KIT: variants seen among roughly 807,000 people sequenced by gnomAD.
The protein encoded by KIT is mast/stem cell growth factor receptor Kit.
Under a neutral mutation model 105.7 loss-of-function variants are expected in KIT, and 16 were observed. The observed-to-expected ratio is 0.15, with a 90% confidence interval of 0.10 to 0.23. KIT has a LOEUF of 0.23. Ranked by LOEUF, KIT falls within the 10% of genes least tolerant of loss-of-function variation. The probability of loss-of-function intolerance (pLI) is 1.00; values close to 1 mark genes in which losing one functional copy is unlikely to be tolerated. For missense variants in KIT, 858 were observed against 1,213.8 expected, an observed-to-expected ratio of 0.71 and a Z score of 4.36; for synonymous variants, 438 against 441.1, an observed-to-expected ratio of 0.99 and a Z score of 0.09.
At chr4:54,706,078 T>A (rs2109701415) in intron 5 of KIT, among the ~76,000 whole-genome samples, 1 of 152,290 alleles carries the variant, frequency 6.6e-6, no homozygotes, top group Admixed American at 6.5e-5. Context: ...CCATTATTTA[T>A]TTAACCGGTT....
At position 54,740,050 on chromosome 4, in the gene KIT, C is replaced by G. The variant is rs1439419108; in HGVS notation, c.*1493C>G. ...ACAAAACAAAACAAAACAAAAAACT[C>G]CCCTTCCTCACTGCCCAATATAAAA... On this transcript the variant is annotated 3_prime_UTR_variant, in exon 21 of 21. Coordinates refer to ENST00000288135, the MANE Select transcript of KIT (RefSeq NM_000222.3). 4.3e-6 allele frequency: 1 copy of G among 233,538 alleles called. No homozygotes were observed. The highest frequency in any genetic ancestry group is 2.2e-5 in the African/African-American group (1 of 45,330). 14.5% of individuals were successfully genotyped at this position (233,538 alleles called of 1,614,324 possible).
chr4:54,715,523 A>C (rs1264551780), intron 7 of KIT, among the ~76,000 whole-genome samples: 1 of 152,126 alleles, frequency 6.6e-6, no homozygotes, highest in Non-Finnish European at 1.5e-5. Flanking sequence ...AACAGGCATC[A>C]CATGGCAAGA....
intron 1 of KIT, among the ~76,000 whole-genome samples, chr4:54,679,251 C>T (rs1038298764): frequency 2.0e-5 from 3 of 152,178 alleles, no homozygotes; most frequent in African/African-American, 4.8e-5. Flanking sequence ...TGAAAAGGGG[C>T]TCCCTGAATG....
intron 1 of KIT, among the ~76,000 whole-genome samples, chr4:54,672,736 G>A (rs1464934462): frequency 6.6e-6 from 1 of 152,120 alleles, no homozygotes; most frequent in Non-Finnish European, 1.5e-5. Flanking sequence ...CCATCATTTA[G>A]TCTTAGCTCT....
intron 20 of KIT, 40 bp from the exon 21 acceptor site, chr4:54,738,389 G>A (rs769360466): frequency 1.9e-6 from 3 of 1,612,362 alleles, no homozygotes; most frequent in Non-Finnish European, 2.5e-6. Flanking sequence ...TATGTTCGTT[G>A]TAGGGACTGC....
intron 7 of KIT, among the ~76,000 whole-genome samples, chr4:54,716,469 A>G (rs757186808): frequency 1.3e-5 from 2 of 152,214 alleles, no homozygotes; most frequent in Non-Finnish European, 2.9e-5. Flanking sequence ...TACTTTTTAT[A>G]GGTTACCATT....
chr4:54,703,807 G>T lies in KIT; in HGVS notation c.840G>T (p.Ala280=), dbSNP rs142772432. ...AGGCAACGTTGACTATCAGTTCAGC[G>T]AGAGTTAATGATTCTGGAGTGTTCA... ...ERQATLTISS[A]RVNDSGVFMC... is the part of the protein sequence containing the mutation. The change falls in exon 5 of 21, where the codon GCG becomes GCT. Residue 280 remains alanine (A), a synonymous_variant. Transcript: ENST00000288135. 6.2e-7 allele frequency: 1 copy of T among 1,613,638 alleles called. No individual in the cohort carries two copies. Among genetic ancestry groups the T allele is most frequent in the Non-Finnish European group, 8.5e-7 (1 of 1,179,600 alleles).
At chr4:54,700,409 A>G (rs1196023285) in intron 4 of KIT, among the ~76,000 whole-genome samples, 1 of 152,236 alleles carries the variant, frequency 6.6e-6, no homozygotes, top group East Asian at 1.9e-4. Flanking sequence ...TGCATATTCA[A>G]TGCCATTATA....
Position 54,728,003 on chromosome 4 carries a change from A to G in KIT, c.1880-8A>G, listed in dbSNP as rs1577996134. ...GCTTTTTGCTAAAATGCATGTTTCC[A>G]ATTTTAGCGAGTGCCCATTTGACAG... On this transcript the variant is annotated splice_region_variant and splice_polypyrimidine_tract_variant and intron_variant, in intron 12 of 20. Transcript: ENST00000288135. 3 of 1,613,578 alleles carry G rather than the reference A, an allele frequency of 1.9e-6. No homozygotes were observed. Among genetic ancestry groups the G allele is most frequent in the East Asian group, 4.5e-5 (2 of 44,862 alleles).
At position 54,699,124 on chromosome 4, in the gene KIT, G is replaced by A. The variant is rs141621985; in HGVS notation, c.620-506G>A. Among the ~76,000 whole-genome samples, 10 of 152,322 alleles carry A rather than the reference G, an allele frequency of 6.6e-5. No homozygotes were observed. The East Asian group carries it at 1.9e-3, about 29-fold the overall frequency. ...TCAGAGATCATCTAATTCAACACCAGTTGGCATTCAGCTATTGAGTACAGT... is the reference window on the plus strand; with the variant it reads ...TCAGAGATCATCTAATTCAACACCAATTGGCATTCAGCTATTGAGTACAGT... On this transcript the variant is annotated intron_variant, in intron 3 of 20. Transcript: ENST00000288135.
intron 1 of KIT, among the ~76,000 whole-genome samples, chr4:54,663,431 C>T (rs1318525567): frequency 6.6e-6 from 1 of 152,112 alleles, no homozygotes; most frequent in Non-Finnish European, 1.5e-5. Flanking sequence ...AGTGTGTGGA[C>T]TCCACTATCA....
intron 1 of KIT, among the ~76,000 whole-genome samples, chr4:54,668,941 C>T (rs927741964): frequency 1.3e-5 from 2 of 152,208 alleles, no homozygotes; most frequent in African/African-American, 4.8e-5. Context: ...AAAGAAGGTA[C>T]CTTAGAAAGA....
intron 1 of KIT, among the ~76,000 whole-genome samples, chr4:54,660,181 TA>T (rs1717150711): frequency 6.6e-6 from 1 of 152,094 alleles, no homozygotes; most frequent in African/African-American, 2.4e-5. Context: ...AGTCATAGAG[TA>T]TGGGTGCATC....
intron 4 of KIT, among the ~76,000 whole-genome samples, chr4:54,703,523 G>A (rs1423640867): frequency 1.3e-5 from 2 of 152,126 alleles, no homozygotes; most frequent in African/African-American, 4.8e-5. Flanking sequence ...AATAATGACT[G>A]TCTTTCAACA....
intron 1 of KIT, among the ~76,000 whole-genome samples, chr4:54,661,528 G>A (rs1717267890): frequency 6.6e-6 from 1 of 152,208 alleles, no homozygotes; most frequent in Non-Finnish European, 1.5e-5. Flanking sequence ...CCCCTTCAAG[G>A]TAGTGGTCAA....
chr4:54,659,145 C>T (rs1045081231), intron 1 of KIT, among the ~76,000 whole-genome samples: 4 of 152,224 alleles, frequency 2.6e-5, no homozygotes, highest in African/African-American at 9.6e-5. Context: ...TTCTATACTT[C>T]AGGGCTGCCT....
At chr4:54,664,315 G>A (rs1482481618) in intron 1 of KIT, among the ~76,000 whole-genome samples, 1 of 152,128 alleles carries the variant, frequency 6.6e-6, no homozygotes, top group African/African-American at 2.4e-5. Context: ...CTAGCCTCAA[G>A]GAGCATGGAG....
chr4:54,726,441 C>T (rs982766606), intron 9 of KIT, among the ~76,000 whole-genome samples: 1 of 152,132 alleles, frequency 6.6e-6, no homozygotes, highest in African/African-American at 2.4e-5. Flanking sequence ...AACACTTTGC[C>T]AGACACTGTA....
chr4:54,667,646 G>T (rs1347703943), intron 1 of KIT, among the ~76,000 whole-genome samples: 1 of 152,216 alleles, frequency 6.6e-6, no homozygotes, highest in East Asian at 1.9e-4. Context: ...AACGTCTGTA[G>T]AGAGTAGCGG....
Sources: gnomAD v4.1 joint callset for allele counts (sites outside exome capture counted in the v4.1 genomes callset) on GRCh38, gnomAD v4.1.1 for gene constraint, MANE v1.5 for transcripts, NCBI Gene and HGNC (gene_info 2026-07-23, HGNC 2026-07-21) for gene names.